KIRREL3: variants seen among roughly 807,000 people sequenced by gnomAD.
The protein encoded by KIRREL3 is kirre like nephrin family adhesion molecule 3, also known as kin of IRRE-like protein 3.
A neutral mutation model predicts 89.7 loss-of-function variants in KIRREL3; 36 were observed. The observed-to-expected ratio is 0.40, with a 90% CI of 0.31 to 0.53. The LOEUF is 0.53. Among genes scored for constraint, KIRREL3 ranks in the 20% least tolerant of loss-of-function variants. The pLI is 0.49. For missense variants in KIRREL3, 864 were observed against 1,056.6 expected (o/e 0.82, Z 2.53); for synonymous variants, 445 against 441.4 (o/e 1.01, Z -0.10).
chr11:126,670,689 G>A (rs1214690074), intron 1 of KIRREL3, among the ~76,000 whole-genome samples: 4 of 152,094 alleles, frequency 2.6e-5, no homozygotes, highest in Non-Finnish European at 4.4e-5. Context: ...CACCCTTGGG[G>A]GCTACATTTT....
intron 1 of KIRREL3, among the ~76,000 whole-genome samples, chr11:126,775,157 C>T (rs1218254296): frequency 6.6e-6 from 1 of 152,204 alleles, no homozygotes; most frequent in African/African-American, 2.4e-5. Context: ...GACTTCATTG[C>T]CTTTCACCTC....
At chr11:126,469,559 C>T (rs949005969) in intron 5 of KIRREL3, among the ~76,000 whole-genome samples, 29 of 152,354 alleles carry the variant, frequency 1.9e-4, no homozygotes, top group Middle Eastern at 3.4e-3. Flanking sequence ...GTATACTCCA[C>T]ATCACAGGCT....
intron 1 of KIRREL3, among the ~76,000 whole-genome samples, chr11:126,832,895 G>A (rs1462378829): frequency 6.6e-6 from 1 of 152,142 alleles, no homozygotes; most frequent in Non-Finnish European, 1.5e-5. Context: ...ACATGGATTT[G>A]TTCGAGTAGA....
intron 1 of KIRREL3, among the ~76,000 whole-genome samples, chr11:126,941,809 C>T (rs944226820): frequency 5.3e-5 from 8 of 152,240 alleles, no homozygotes; most frequent in Non-Finnish European, 1.2e-4. Context: ...CTCAGTGTAA[C>T]TAACTCCTCA....
intron 1 of KIRREL3, among the ~76,000 whole-genome samples, chr11:126,758,859 G>A (rs1949585615): frequency 6.6e-6 from 1 of 152,300 alleles, no homozygotes. Context: ...GTGGCATACT[G>A]TTATTTTTTT....
intron 1 of KIRREL3, among the ~76,000 whole-genome samples, chr11:126,665,163 C>T (rs556532996): frequency 6.6e-6 from 1 of 152,214 alleles, no homozygotes; most frequent in African/African-American, 2.4e-5. Context: ...ATGAAACAGT[C>T]CATGTGTGGA....
At chr11:126,790,528 T>G (rs907142099) in intron 1 of KIRREL3, among the ~76,000 whole-genome samples, 4 of 152,206 alleles carry the variant, frequency 2.6e-5, no homozygotes, top group Admixed American at 2.0e-4. Flanking sequence ...AGAATATAGT[T>G]AGTGCTCAAT....
intron 1 of KIRREL3, among the ~76,000 whole-genome samples, chr11:126,674,698 G>A (rs1946107724): frequency 6.6e-6 from 1 of 152,218 alleles, no homozygotes; most frequent in African/African-American, 2.4e-5. Context: ...TAGTGGAGAA[G>A]GATGGCAGGG....
rs1298954785 is a variant in KIRREL3 at position 126,788,567 on chromosome 11, G to T, written c.55+211888C>A. ...TGCAGCATTAAGCTCACCTCTGAGG[G>T]CTGCTTTAAGAATGGAAGAAGGACC... On this transcript the variant is annotated intron_variant, in intron 1 of 16. Coordinates refer to ENST00000525144, the MANE Select transcript of KIRREL3 (RefSeq NM_032531.4). The surrounding 1 kb of genome is among the most constrained non-coding windows in gnomAD (Gnocchi z 4.1). 1.3e-5 allele frequency among the ~76,000 whole-genome samples: 2 copies of T among 152,200 alleles called. No individual in the cohort carries two copies. The highest frequency in any genetic ancestry group is 1.9e-4 in the East Asian group (1 of 5,194).
At chr11:126,692,805 A>AT (rs1314325933) in intron 1 of KIRREL3, among the ~76,000 whole-genome samples, 1 of 152,188 alleles carries the variant, frequency 6.6e-6, no homozygotes, top group Non-Finnish European at 1.5e-5. Flanking sequence ...CATAGAAAAA[A>AT]CAGAAAGTAG....
intron 1 of KIRREL3, among the ~76,000 whole-genome samples, chr11:126,942,564 G>A (rs1404003147): frequency 2.0e-5 from 3 of 152,076 alleles, no homozygotes; most frequent in African/African-American, 7.2e-5. Context: ...AGCTGGAGGG[G>A]GTCACTCAAG....
At chr11:126,868,165 G>C (rs902995337) in intron 1 of KIRREL3, among the ~76,000 whole-genome samples, 2 of 152,158 alleles carry the variant, frequency 1.3e-5, no homozygotes, top group Admixed American at 1.3e-4. Flanking sequence ...TGTCTATTAA[G>C]CATGTGCTAT....
chr11:126,425,783 A>G, intron 15 of KIRREL3, 59 bp from the exon 16 acceptor site: 3 of 1,356,688 alleles, frequency 2.2e-6, no homozygotes, highest in Non-Finnish European at 1.0e-6. Context: ...CACTTCCCCC[A>G]AGGAAAAGAT....
intron 11 of KIRREL3, 109 bp downstream of exon 11, chr11:126,440,340 A>C (rs1438274036): frequency 1.1e-6 from 1 of 948,548 alleles, no homozygotes; most frequent in Non-Finnish European, 1.6e-6. Flanking sequence ...CCTCAGCAAG[A>C]AAGAGGAACC....
chr11:126,899,425 T>C (rs1946286642), intron 1 of KIRREL3, among the ~76,000 whole-genome samples: 1 of 152,124 alleles, frequency 6.6e-6, no homozygotes, highest in Admixed American at 6.5e-5. Context: ...GTGTCACCTA[T>C]CCTAACTGAC....
In KIRREL3 at chr11:126,557,808, C is replaced by A. The variant is rs1939816061; in HGVS notation, c.133+5027G>T. 6.6e-6 allele frequency among the ~76,000 whole-genome samples: 1 copy of A among 152,142 alleles called. No individual in the cohort carries two copies. The highest frequency in any genetic ancestry group is 2.4e-5 in the African/African-American group (1 of 41,432). On this transcript the variant is annotated intron_variant, in intron 2 of 16. Coordinates refer to ENST00000525144, the MANE Select transcript of KIRREL3 (RefSeq NM_032531.4). The surrounding 1 kb of genome is among the most constrained non-coding windows in gnomAD (Gnocchi z 5.6). Reference sequence around the variant, plus strand: ...GGGGGAGGGGCATTTGCACACAGAGCCTGGACTGGGACCACAGTGCTGTTC... The same window carrying A: ...GGGGGAGGGGCATTTGCACACAGAGACTGGACTGGGACCACAGTGCTGTTC...
chr11:126,919,117 T>C (rs975829539), intron 1 of KIRREL3, among the ~76,000 whole-genome samples: 1 of 152,114 alleles, frequency 6.6e-6, no homozygotes, highest in Non-Finnish European at 1.5e-5. Flanking sequence ...TTTTCATACC[T>C]TTCAAGTGAT....
At position 126,802,904 on chromosome 11, in the gene KIRREL3, T is replaced by G. The variant is rs972839012; in HGVS notation, c.55+197551A>C. Among the ~76,000 whole-genome samples, 2 of 152,208 alleles carry G rather than the reference T, an allele frequency of 1.3e-5. No homozygotes were observed. The highest frequency in any genetic ancestry group is 2.9e-5 in the Non-Finnish European group (2 of 68,034). On this transcript the variant is annotated intron_variant, in intron 1 of 16. Coordinates refer to ENST00000525144, the MANE Select transcript of KIRREL3 (RefSeq NM_032531.4). The surrounding 1 kb of genome is among the most constrained non-coding windows in gnomAD (Gnocchi z 5.2). ...AAATTGGCTTTGTTATATGGTGTTT[T>G]GCTCAAGGTTGTAGTTTCCAAGAAC...
chr11:126,961,523 T>C (rs941451520), intron 1 of KIRREL3, among the ~76,000 whole-genome samples: 2 of 152,114 alleles, frequency 1.3e-5, no homozygotes, highest in African/African-American at 4.8e-5. Flanking sequence ...CTGACAGAGA[T>C]GAGGAAGTTG....
Sources: allele counts gnomAD v4.1 joint callset (sites outside exome capture counted in the v4.1 genomes callset), GRCh38; gene constraint gnomAD v4.1.1; non-coding constraint Gnocchi (gnomAD v3.1); transcripts MANE v1.5; gene names NCBI Gene and HGNC (gene_info 2026-07-23, HGNC 2026-07-21).